The following EGF variants were observed in gnomAD, a reference collection of about 807,000 sequenced individuals.
EGF encodes epidermal growth factor, also known as pro-epidermal growth factor.
A neutral mutation model predicts 143.8 loss-of-function variants in EGF; 95 were observed. That is an observed-to-expected ratio of 0.66 (90% CI 0.56 to 0.78). EGF has a LOEUF of 0.78. EGF is among the 30% of genes least tolerant of loss of function. The pLI, the probability that EGF is intolerant of heterozygous loss-of-function variation, is 0.00. For missense variants in EGF, 1,320 were observed against 1,470.9 expected (o/e 0.90, Z 1.68); for synonymous variants, 510 against 510.5 (o/e 1.00, Z 0.01).
At position 110,008,154 on chromosome 4, in the gene EGF, T is replaced by C. The variant is rs752827150; in HGVS notation, c.3294T>C (p.Phe1098=). The C allele has an allele frequency of 6.2e-6, 10 of 1,613,984 alleles. No individual in the cohort carries two copies. The highest frequency in any genetic ancestry group is 8.5e-6 in the Non-Finnish European group (10 of 1,179,892). The part of the protein sequence containing the change: ...DGMSSCPQPW[F]VVIKEHQDLK... The stretch of plus-strand genomic sequence containing the variant: ...TCCCTCCTTTTTGTTGTCTGCAGTT[T>C]GTGGTTATAAAAGAACACCAAGACC... Residue 1098 remains phenylalanine, a splice_region_variant and synonymous_variant, in exon 23 of 24, where the codon TTT becomes TTC. Transcript: ENST00000265171.
At chr4:109,929,978 C>T (rs1304614381) in intron 1 of EGF, among the ~76,000 whole-genome samples, 1 of 152,100 alleles carries the variant, frequency 6.6e-6, no homozygotes, top group Non-Finnish European at 1.5e-5. Flanking sequence ...GCGGTTTCCC[C>T]AGTGGTGTTC....
At chr4:109,925,110 T>G (rs2125949031) in intron 1 of EGF, among the ~76,000 whole-genome samples, 1 of 152,336 alleles carries the variant, frequency 6.6e-6, no homozygotes, top group East Asian at 1.9e-4. Context: ...CTCTTGAGGT[T>G]TCTTACATTA....
At chr4:110,007,793 T>G (rs2074392) in intron 22 of EGF, among the ~76,000 whole-genome samples, 41,015 of 152,096 alleles carry the variant, frequency 0.27, 10,626 homozygotes, top group African/African-American at 0.64. Context: ...ACACATATAT[T>G]AGATATTATT....
rs184771032 is a variant in EGF, at chr4:109,984,834, C to T, written c.2491+1293C>T. 1.6e-4 allele frequency among the ~76,000 whole-genome samples: 24 copies of T among 152,182 alleles called. 1 individual carries two copies. Among genetic ancestry groups the T allele is most frequent in the Admixed American group, 1.2e-3 (19 of 15,278 alleles). ...ATAATTAATTAATGTGAAAATAAGA[C>T]GTTCTGGAAAACTTCATTAACATTA... is the stretch of plus-strand genomic sequence containing the variant. On this transcript the variant is annotated intron_variant, in intron 16 of 23. Coordinates refer to ENST00000265171, the MANE Select transcript of EGF (RefSeq NM_001963.6).
intron 1 of EGF, among the ~76,000 whole-genome samples, chr4:109,917,105 T>C (rs1178274829): frequency 2.0e-5 from 3 of 152,204 alleles, no homozygotes; most frequent in Admixed American, 2.0e-4. Flanking sequence ...AATAATCTTA[T>C]TTTAACAGCA....
At chr4:110,006,754 T>C (rs1451625925) in intron 22 of EGF, among the ~76,000 whole-genome samples, 1 of 152,224 alleles carries the variant, frequency 6.6e-6, no homozygotes, top group Non-Finnish European at 1.5e-5. Context: ...GAGCAACTTG[T>C]TGGCTCAGAG....
chr4:109,968,719 C>CCTACCTACCTACCTAT (rs1747066824), intron 10 of EGF: 1 of 381,498 alleles, frequency 2.6e-6, no homozygotes, highest in East Asian at 5.1e-5. Context: ...TACCTACCTA[C>CCTACCTACCTACCTAT]CTACCTACCT....
At chr4:109,923,246 T>C (rs912557189) in intron 1 of EGF, among the ~76,000 whole-genome samples, 2 of 151,580 alleles carry the variant, frequency 1.3e-5, no homozygotes, top group African/African-American at 4.9e-5. Flanking sequence ...ATGACCAGTG[T>C]AGGATTAATG....
At position 109,972,031 on chromosome 4, in the gene EGF, A is replaced by C. The variant is rs74793885; in HGVS notation, c.1725-2672A>C. On this transcript the variant is annotated intron_variant, in intron 11 of 23. Transcript: ENST00000265171. ...TTTATTCATTCTTTTGAGGTAACAA[A>C]AACTAATATGAGGTAAAAAAAAAAA... 2.3e-3 allele frequency among the ~76,000 whole-genome samples: 344 copies of C among 152,278 alleles called. 1 individual carries two copies. Among genetic ancestry groups the C allele is most frequent in the African/African-American group, 7.6e-3 (316 of 41,562 alleles).
chr4:109,974,723 G>A lies in EGF; in HGVS notation c.1745G>A (p.Ser582Asn). 1 of 1,613,340 alleles carries A rather than the reference G, an allele frequency of 6.2e-7. No individual in the cohort carries two copies. The highest frequency in any genetic ancestry group is 8.5e-7 in the Non-Finnish European group (1 of 1,179,430). The change falls in exon 12 of 24, where the codon AGT (serine) becomes AAT (asparagine). Residue 582 changes from serine (S) to asparagine (N), a missense_variant. Ser to Asn is a conservative substitution (Grantham distance 46). This residue lies in a region of EGF where 1,186 missense variants were observed against 1,313.7 expected (regional missense o/e 0.90). Transcript: ENST00000265171. ...TTTAGGAAATCTCTGATTGGAAGGA[G>A]TGATTTAAATGGGAAACGTTCCAAA... ...TDRGKSLIGR[S>N]DLNGKRSKII...
intron 1 of EGF, among the ~76,000 whole-genome samples, chr4:109,933,434 T>C (rs1740166848): frequency 6.6e-6 from 1 of 152,120 alleles, no homozygotes; most frequent in African/African-American, 2.4e-5. Context: ...CTTTTTTTTT[T>C]TTTTATACTT....
chr4:109,960,689 T>C (rs1745540582), intron 6 of EGF, among the ~76,000 whole-genome samples, 178 bp from the exon 7 acceptor site: 1 of 152,144 alleles, frequency 6.6e-6, no homozygotes, highest in Non-Finnish European at 1.5e-5. Context: ...AAATGGCTTT[T>C]ATCATCATTT....
rs1426948573 is a variant in EGF at position 109,969,100 on chromosome 4, T to G, written c.1705T>G (p.Phe569Val). ...GLAVDWIGRRFYWTDRGKSLI... is the reference protein window; with the variant it reads ...GLAVDWIGRRVYWTDRGKSLI... ...TGCTGTGGACTGGATTGGCCGTAGA[T>G]TCTATTGGACAGACAGAGGGTATGT... Residue 569 changes from phenylalanine (F) to valine (V), a missense_variant, in exon 11 of 24, where the codon TTC (phenylalanine) becomes GTC (valine). Coordinates refer to ENST00000265171, the MANE Select transcript of EGF (RefSeq NM_001963.6). 1 of 1,614,088 alleles carries G rather than the reference T, an allele frequency of 6.2e-7. No homozygotes were observed. Among genetic ancestry groups the G allele is most frequent in the Non-Finnish European group, 8.5e-7 (1 of 1,179,980 alleles).
At chr4:109,931,121 G>C (rs959759321) in intron 1 of EGF, among the ~76,000 whole-genome samples, 3 of 152,184 alleles carry the variant, frequency 2.0e-5, no homozygotes, top group African/African-American at 7.2e-5. Context: ...CCACACATCA[G>C]TGTTTACAGA....
rs1211220877 is a variant in EGF at position 109,929,684 on chromosome 4, A to G, written c.128-11262A>G. On this transcript the variant is annotated intron_variant, in intron 1 of 23. Coordinates refer to ENST00000265171, the MANE Select transcript of EGF (RefSeq NM_001963.6). ...CTACTCTAGGCAATCTTCATTCACAATTTTGGTGAAGCAAAATGAGTTCCA... is the reference window on the plus strand; with the variant it reads ...CTACTCTAGGCAATCTTCATTCACAGTTTTGGTGAAGCAAAATGAGTTCCA... Among the ~76,000 whole-genome samples, 3 of 151,934 alleles carry G rather than the reference A, an allele frequency of 2.0e-5. No individual in the cohort carries two copies. In the East Asian group the frequency reaches 5.8e-4, roughly 29 times the overall value.
rs1255356919 is a variant in EGF, at chr4:110,008,212, G to A, written c.3352G>A (p.Asp1118Asn). The change falls in exon 23 of 24, where the codon GAT becomes AAT. Residue 1118 changes from aspartate (D) to asparagine (N), a missense_variant. Asp to Asn is a conservative substitution (Grantham distance 23). Around this residue, in one of 5 missense-constraint regions of EGF, gnomAD observed 1,186 missense variants for 1,313.7 expected, o/e 0.90. Transcript: ENST00000265171. Reference protein sequence around the residue: ...KNGGQPVAGEDGQAADGSMQP... With the variant: ...KNGGQPVAGENGQAADGSMQP... ...TGGGGGTCAACCAGTGGCTGGTGAG[G>A]ATGGCCAGGCAGCAGATGGTCAGTT... 6.2e-7 allele frequency: 1 copy of A among 1,613,934 alleles called. No homozygotes were observed. The highest frequency in any genetic ancestry group is 8.5e-7 in the Non-Finnish European group (1 of 1,179,966).
intron 8 of EGF, 61 bp downstream of exon 8, chr4:109,962,046 A>G: frequency 6.2e-7 from 1 of 1,607,564 alleles, no homozygotes; most frequent in Non-Finnish European, 8.5e-7. Flanking sequence ...GCTCAGTGAC[A>G]TCTAAAAATT....
At chr4:109,916,364 T>C (rs113097224) in intron 1 of EGF, among the ~76,000 whole-genome samples, 8,376 of 152,282 alleles carry the variant, frequency 0.055, 287 homozygotes, top group Non-Finnish European at 0.083. Flanking sequence ...TCATTGAGCT[T>C]AGTGGTAAAG....
intron 20 of EGF, among the ~76,000 whole-genome samples, chr4:109,996,172 A>T (rs1228916500): frequency 1.3e-5 from 2 of 152,230 alleles, no homozygotes; most frequent in Non-Finnish European, 2.9e-5. Context: ...AAAAATCATT[A>T]TAATAATATA....
Sources: allele counts gnomAD v4.1 joint callset (sites outside exome capture counted in the v4.1 genomes callset), GRCh38; gene constraint gnomAD v4.1.1; regional missense constraint gnomAD v4.1.1; transcripts MANE v1.5; gene names NCBI Gene and HGNC (gene_info 2026-07-23, HGNC 2026-07-21).